Variants in XRRA1 observed in about 807,000 individuals in gnomAD.
The protein encoded by XRRA1 is X-ray radiation resistance associated 1, also known as X-ray radiation resistance-associated protein 1.
Under a neutral mutation model 80.2 loss-of-function variants are expected in XRRA1, and 69 were observed. The ratio of observed to expected loss-of-function variants is 0.86; its 90% CI spans 0.71 to 1.05. XRRA1 has a LOEUF of 1.05. Among genes scored for constraint, XRRA1 ranks in the 50% least tolerant of loss-of-function variants. XRRA1 has a pLI of 0.00. For synonymous variants in XRRA1, 348 were observed against 389.9 expected, an observed-to-expected ratio of 0.89 and a Z score of 1.27; for missense variants, 967 against 976.4, an observed-to-expected ratio of 0.99 and a Z score of 0.13.
intron 3 of XRRA1, 77 bp downstream of exon 3, chr11:74,940,708 A>G: frequency 8.3e-7 from 1 of 1,211,568 alleles, no homozygotes. Flanking sequence ...GGGTTGGAGA[A>G]GAACAAGTAG....
At chr11:74,888,329 C>T (rs1004558495) in intron 10 of XRRA1, among the ~76,000 whole-genome samples, 2 of 152,176 alleles carry the variant, frequency 1.3e-5, no homozygotes, top group Admixed American at 6.5e-5. Context: ...AGTGGACCTC[C>T]AGCAAACTCC....
At chr11:74,898,076 A>G (rs2052777691) in intron 10 of XRRA1, among the ~76,000 whole-genome samples, 1 of 152,230 alleles carries the variant, frequency 6.6e-6, no homozygotes, top group African/African-American at 2.4e-5. Context: ...ACATAGTATA[A>G]TAAGACATAA....
At chr11:74,890,614 G>A (rs897621003) in intron 10 of XRRA1, among the ~76,000 whole-genome samples, 1 of 152,206 alleles carries the variant, frequency 6.6e-6, no homozygotes, top group African/African-American at 2.4e-5. Flanking sequence ...GAATCCAGGA[G>A]CTGGTGTTTT....
At chr11:74,945,579 G>A (rs1461890504) in intron 1 of XRRA1, among the ~76,000 whole-genome samples, 2 of 150,022 alleles carry the variant, frequency 1.3e-5, no homozygotes, top group South Asian at 2.1e-4. Context: ...AGAAGGTGTA[G>A]ATCTACAACT....
intron 2 of XRRA1, among the ~76,000 whole-genome samples, chr11:74,943,515 G>A (rs112859586): frequency 0.035 from 5,056 of 142,626 alleles, 298 homozygotes; most frequent in African/African-American, 0.12. Flanking sequence ...GAGGGGAAGA[G>A]AGTAGGAGGG....
chr11:74,942,817 C>T (rs984386317), intron 2 of XRRA1, among the ~76,000 whole-genome samples: 13 of 152,226 alleles, frequency 8.5e-5, no homozygotes, highest in African/African-American at 3.1e-4. Context: ...TCATGCTGCT[C>T]ATTTTCCATT....
At chr11:74,880,825 G>C (rs1037571508) in intron 10 of XRRA1, among the ~76,000 whole-genome samples, 2 of 151,716 alleles carry the variant, frequency 1.3e-5, no homozygotes, top group African/African-American at 4.8e-5. Flanking sequence ...TGGTCTGAGA[G>C]ATAGTTTGTT....
At chr11:74,881,764 T>G (rs1276747866) in intron 10 of XRRA1, among the ~76,000 whole-genome samples, 212 of 149,720 alleles carry the variant, frequency 1.4e-3, no homozygotes, top group African/African-American at 2.4e-3. Context: ...CCTTCACTTA[T>G]GAAGCTTAGT....
At chr11:74,943,324 C>T (rs77671502) in intron 2 of XRRA1, among the ~76,000 whole-genome samples, 3,463 of 152,246 alleles carry the variant, frequency 0.023, 149 homozygotes, top group African/African-American at 0.079. Flanking sequence ...GGCATAAAAA[C>T]GATTCCTCAA....
At chr11:74,913,661 A>G (rs572114215) in intron 8 of XRRA1, 1 of 151,958 alleles carries the variant, frequency 6.6e-6, no homozygotes, top group Non-Finnish European at 1.5e-5. Context: ...GGCCATATCA[A>G]CTCCGGGATC....
At chr11:74,902,080 A>G (rs117262333) in intron 10 of XRRA1, among the ~76,000 whole-genome samples, 1,859 of 152,348 alleles carry the variant, frequency 0.012, 17 homozygotes, top group Non-Finnish European at 0.02. Context: ...GAAAAATCTA[A>G]TAATCTGACT....
chr11:74,902,723 T>C (rs1458945531), intron 10 of XRRA1, among the ~76,000 whole-genome samples: 1 of 151,932 alleles, frequency 6.6e-6, no homozygotes, highest in Non-Finnish European at 1.5e-5. Context: ...ATCAAAACAA[T>C]TGAACTCATG....
At chr11:74,933,698 C>T (rs898551628) in intron 5 of XRRA1, 103 bp downstream of exon 5, 11 of 1,000,110 alleles carry the variant, frequency 1.1e-5, no homozygotes, top group Middle Eastern at 2.2e-4. Flanking sequence ...ACCAGATTTC[C>T]AGTCCCTAGG....
chr11:74,936,961 C>A lies in XRRA1; in HGVS notation c.202G>T (p.Glu68Ter). 1 of 1,613,884 alleles carries A rather than the reference C, an allele frequency of 6.2e-7. No homozygotes were observed. The highest frequency in any genetic ancestry group is 8.5e-7 in the Non-Finnish European group (1 of 1,179,876). ...CGAGACTCTTTCTTCCCCTTGAACT[C>A]AAAAGAAGTCGCCTTCAGGCTTTCC... Reference protein sequence around the residue: ...RRESLKATSFEFKGKKESRRE... With the variant: ...RRESLKATSF The change falls in exon 4 of 19, where the codon GAG becomes TAG. Residue 68 changes from glutamate (E) to a stop codon, truncating the protein, a stop_gained. Coordinates refer to ENST00000684022, the MANE Select transcript of XRRA1 (RefSeq NM_001378157.1). LOFTEE classifies it high-confidence loss of function.
At chr11:74,908,575 A>G (rs1199274140) in intron 8 of XRRA1, among the ~76,000 whole-genome samples, 1 of 152,212 alleles carries the variant, frequency 6.6e-6, no homozygotes, top group African/African-American at 2.4e-5. Flanking sequence ...TTACTAATTA[A>G]TTCGTTCATT....
intron 10 of XRRA1, among the ~76,000 whole-genome samples, chr11:74,893,544 G>T (rs1160304535): frequency 6.7e-6 from 1 of 148,686 alleles, no homozygotes; most frequent in African/African-American, 2.5e-5. Context: ...CCTAAAACTT[G>T]AAGTATAATA....
intron 12 of XRRA1, among the ~76,000 whole-genome samples, chr11:74,853,130 C>T (rs2040286078): frequency 6.6e-6 from 1 of 152,164 alleles, no homozygotes. Context: ...TAGTGGGAAA[C>T]AAGCATTGGA....
intron 10 of XRRA1, among the ~76,000 whole-genome samples, chr11:74,873,691 C>G (rs952040910): frequency 5.4e-4 from 82 of 152,294 alleles, no homozygotes; most frequent in African/African-American, 1.9e-3. Flanking sequence ...CAGTGAAGCT[C>G]TTCTTAATTT....
intron 15 of XRRA1, among the ~76,000 whole-genome samples, chr11:74,845,574 T>C (rs571493503): frequency 3.7e-4 from 56 of 152,146 alleles, no homozygotes; most frequent in African/African-American, 1.2e-3. Flanking sequence ...TACGGAGCAA[T>C]GGGGAGAGGT....
Sources: allele counts gnomAD v4.1 joint callset (sites outside exome capture counted in the v4.1 genomes callset), GRCh38; gene constraint gnomAD v4.1.1; transcripts MANE v1.5; gene names NCBI Gene and HGNC (gene_info 2026-07-23, HGNC 2026-07-21).